The following LARGE1 variants were observed in gnomAD, a reference collection of about 807,000 sequenced individuals.
LARGE1 encodes the protein xylosyl- and glucuronyltransferase LARGE1.
A neutral mutation model predicts 87.6 loss-of-function variants in LARGE1; 43 were observed. The observed-to-expected ratio is 0.49, with a 90% CI of 0.38 to 0.63. The LOEUF is 0.63. LARGE1 is among the 30% of genes least tolerant of loss of function. The pLI is 0.00. For synonymous variants in LARGE1, 434 were observed against 394.6 expected (o/e 1.10, Z -1.18); for missense variants, 802 against 1,000.2 (o/e 0.80, Z 2.67).
the LARGE1 span, among the ~76,000 whole-genome samples, chr22:33,122,568 A>G: frequency 2.0e-5 from 3 of 152,036 alleles, no homozygotes; most frequent in Non-Finnish European, 4.4e-5. Flanking sequence ...CATGTTGGTC[A>G]GGCTGGTCTT....
chr22:33,098,336 T>C, the LARGE1 span, among the ~76,000 whole-genome samples: 80 of 151,976 alleles, frequency 5.3e-4, no homozygotes, highest in East Asian at 0.013. Context: ...AAAATAAAAA[T>C]AGGCCGGGCG....
chr22:33,680,661 G>A (rs956194202), intron 2 of LARGE1, among the ~76,000 whole-genome samples: 11 of 152,074 alleles, frequency 7.2e-5, no homozygotes, highest in East Asian at 1.9e-4. Context: ...GGTGAAGGCC[G>A]CCCATGAGTG....
chr22:33,169,920 T>C (rs1056024169), intron 11 of LARGE1, among the ~76,000 whole-genome samples: 1 of 152,196 alleles, frequency 6.6e-6, no homozygotes, highest in Non-Finnish European at 1.5e-5. Context: ...TTTTAACCTT[T>C]AGATACCTAG....
chr22:33,501,855 C>T (rs1164668553), intron 6 of LARGE1, among the ~76,000 whole-genome samples: 2 of 152,154 alleles, frequency 1.3e-5, no homozygotes, highest in Non-Finnish European at 1.5e-5. Flanking sequence ...AAATGACAAC[C>T]ATGTGCTATG....
chr22:33,163,329 A>G (rs1284591292), exon 12 of LARGE1: 2 of 152,194 alleles, frequency 1.3e-5, no homozygotes, highest in Non-Finnish European at 2.9e-5. Flanking sequence ...TACATTTTAA[A>G]ATGAAGTGTG....
chr22:33,213,247 G>A (rs1442270201), intron 11 of LARGE1, among the ~76,000 whole-genome samples: 1 of 152,138 alleles, frequency 6.6e-6, no homozygotes, highest in Admixed American at 6.6e-5. Flanking sequence ...AATGGATAAC[G>A]CGTTGCTTCT....
chr22:33,405,452 G>T (rs921235689), intron 7 of LARGE1, among the ~76,000 whole-genome samples: 20 of 152,158 alleles, frequency 1.3e-4, no homozygotes, highest in African/African-American at 4.8e-4. Flanking sequence ...TCATCAGAGA[G>T]GTCTGTCTCT....
intron 11 of LARGE1, among the ~76,000 whole-genome samples, chr22:33,225,220 G>A (rs997807100): frequency 6.6e-6 from 1 of 152,176 alleles, no homozygotes; most frequent in Non-Finnish European, 1.5e-5. Flanking sequence ...AAGGTAGGAC[G>A]GTCTGCTTGG....
intron 6 of LARGE1, among the ~76,000 whole-genome samples, chr22:33,506,400 T>C (rs1411303640): frequency 6.6e-6 from 1 of 152,144 alleles, no homozygotes; most frequent in Non-Finnish European, 1.5e-5. Context: ...AGAGACATGC[T>C]GTTCCTGTGT....
intron 2 of LARGE1, among the ~76,000 whole-genome samples, chr22:33,703,544 G>T (rs1242997105): frequency 6.6e-6 from 1 of 152,084 alleles, no homozygotes; most frequent in African/African-American, 2.4e-5. Context: ...TATCCTGCTG[G>T]GCCTGATATA....
chr22:33,147,831 C>T, the LARGE1 span, among the ~76,000 whole-genome samples: 46 of 152,152 alleles, frequency 3.0e-4, no homozygotes, highest in East Asian at 8.9e-3. Context: ...TTTAATTACC[C>T]CAGAGAAACA....
rs1024897568 is a variant in LARGE1 at position 33,474,472 on chromosome 22, T to C, written c.788-42207A>G. 3.3e-5 allele frequency among the ~76,000 whole-genome samples: 5 copies of C among 152,224 alleles called. 1 individual carries two copies. Among genetic ancestry groups the C allele is most frequent in the Middle Eastern group, 6.3e-3 (2 of 316 alleles). ...GCCACTGTGCCCGGCCTAGTCTGTC[T>C]TTTAAAAGGCAATACAACTAGACAG... On this transcript the variant is annotated intron_variant, in intron 6 of 14. Coordinates refer to ENST00000397394, the MANE Select transcript of LARGE1 (RefSeq NM_133642.5).
At chr22:33,405,181 G>C (rs2066054920) in intron 7 of LARGE1, among the ~76,000 whole-genome samples, 1 of 152,226 alleles carries the variant, frequency 6.6e-6, no homozygotes, top group African/African-American at 2.4e-5. Flanking sequence ...CTGTTCAAAA[G>C]CTCATGGATA....
chr22:33,766,894 TG>T lies in LARGE1; in HGVS notation c.-82-5337del, dbSNP rs1170855601. 4.5e-5 allele frequency among the ~76,000 whole-genome samples: 5 copies of T among 110,856 alleles called. No individual in the cohort carries two copies. In the South Asian group the frequency reaches 1.0e-3, roughly 23 times the overall value. 72.7% of individuals were successfully genotyped at this position (110,856 alleles called of 152,430 possible). A position where few individuals can be genotyped will look rare whatever the true frequency, so the allele number is the denominator to read the frequency against. ...GTAAATTATCTTTTGGTATAGAATA[TG>T]ACTAATTTAAACATATACATATATA... On this transcript the variant is annotated intron_variant, in intron 1 of 14. Transcript: ENST00000397394.
chr22:33,826,245 A>G (rs1001492629), intron 1 of LARGE1, among the ~76,000 whole-genome samples: 25 of 152,124 alleles, frequency 1.6e-4, no homozygotes, highest in Middle Eastern at 3.4e-3. Flanking sequence ...GCAGCTTCTG[A>G]TAAGTGCCAG....
chr22:33,343,011 C>T (rs767843371), intron 9 of LARGE1, among the ~76,000 whole-genome samples: 19 of 151,856 alleles, frequency 1.3e-4, no homozygotes, highest in Admixed American at 3.9e-4. Flanking sequence ...AAAGTACTTG[C>T]GGTTTTCGCC....
At chr22:33,767,725 C>T (rs1252087219) in intron 1 of LARGE1, among the ~76,000 whole-genome samples, 3 of 151,980 alleles carry the variant, frequency 2.0e-5, no homozygotes, top group South Asian at 2.1e-4. Flanking sequence ...AAACACTGCA[C>T]ATGAAGAAGG....
intron 2 of LARGE1, among the ~76,000 whole-genome samples, chr22:33,683,363 A>G (rs2081840791): frequency 6.6e-6 from 1 of 152,210 alleles, no homozygotes; most frequent in Admixed American, 6.5e-5. Context: ...TTGAACAGAA[A>G]TATAGCTGTG....
At chr22:33,619,293 A>G (rs1197471631) in intron 4 of LARGE1, among the ~76,000 whole-genome samples, 2 of 152,142 alleles carry the variant, frequency 1.3e-5, no homozygotes. Context: ...AGTGGCTCAC[A>G]CCTGTCATCC....
Sources: allele counts gnomAD v4.1 joint callset (sites outside exome capture counted in the v4.1 genomes callset), GRCh38; gene constraint gnomAD v4.1.1; transcripts MANE v1.5; gene names NCBI Gene and HGNC (gene_info 2026-07-23, HGNC 2026-07-21).